MGAT5: variants seen among roughly 807,000 people sequenced by gnomAD.
MGAT5 encodes the protein alpha-1,6-mannosylglycoprotein 6-beta-N-acetylglucosaminyltransferase, also known as alpha-1,6-mannosylglycoprotein 6-beta-N-acetylglucosaminyltransferase A.
In MGAT5, 30 loss-of-function variants were observed where a neutral mutation model predicts 94.3. That is an observed-to-expected ratio of 0.32 (90% CI 0.24 to 0.43). The LOEUF (loss-of-function observed/expected upper bound fraction) is 0.43. Among genes scored for constraint, MGAT5 ranks in the 20% least tolerant of loss-of-function variants. The pLI is 1.00. For synonymous variants in MGAT5, 310 were observed against 322.9 expected, an observed-to-expected ratio of 0.96 and a Z score of 0.43; for missense variants, 691 against 905.5, an observed-to-expected ratio of 0.76 and a Z score of 3.04.
chr2:134,151,706 C>A (rs13026533), intron 1 of MGAT5, among the ~76,000 whole-genome samples: 2 of 87,004 alleles, frequency 2.3e-5, no homozygotes, highest in African/African-American at 9.7e-5. Context: ...CCTCACTCAC[C>A]CATGCCCTGT....
intron 4 of MGAT5, among the ~76,000 whole-genome samples, chr2:134,326,346 T>A (rs1293724311): frequency 3.9e-5 from 6 of 152,248 alleles, no homozygotes; most frequent in African/African-American, 1.4e-4. Flanking sequence ...TCTTACTGAT[T>A]GTCAAGTTGC....
In MGAT5 at chr2:134,341,704, C is replaced by T. The variant is rs1214203471; in HGVS notation, c.922C>T (p.Leu308=). Residue 308 remains leucine (L), a synonymous_variant, in exon 7 of 16, where the codon CTG becomes TTG. Transcript: ENST00000281923. ...LVQWSDLITS[L]YLLGHDIRIS... is the part of the protein sequence containing the mutation. Reference sequence around the variant, plus strand: ...TCAATGGAGTGATTTAATTACATCTCTGTACTTACTGGGCCATGACATTAG... The same window carrying T: ...TCAATGGAGTGATTTAATTACATCTTTGTACTTACTGGGCCATGACATTAG... 1.2e-6 allele frequency: 2 copies of T among 1,613,344 alleles called. No individual in the cohort carries two copies. Among genetic ancestry groups the T allele is most frequent in the African/African-American group, 1.3e-5 (1 of 74,880 alleles).
In MGAT5 at chr2:134,140,354, G is replaced by A. The variant is rs757834486; in HGVS notation, c.-143+20063G>A. On this transcript the variant is annotated intron_variant, in intron 1 of 16. Transcript: ENST00000409645. ...GTGGAGCAGCTGTGCTGCTGTGGGC[G>A]CCACAAGTCTGCTTAGAATGGGGGA... 3.9e-5 allele frequency among the ~76,000 whole-genome samples: 6 copies of A among 152,230 alleles called. No individual in the cohort carries two copies. The East Asian group carries it at 5.8e-4, about 15-fold the overall frequency.
At chr2:134,373,637 G>A (rs934429805) in intron 10 of MGAT5, among the ~76,000 whole-genome samples, 1 of 152,138 alleles carries the variant, frequency 6.6e-6, no homozygotes, top group African/African-American at 2.4e-5. Flanking sequence ...GACCTATACT[G>A]GTCCATCCCA....
chr2:134,368,882 C>T (rs1181808744), intron 10 of MGAT5, among the ~76,000 whole-genome samples: 1 of 152,202 alleles, frequency 6.6e-6, no homozygotes. Context: ...ATGGCTGCTG[C>T]CTGTCCTGCT....
At chr2:134,344,326 G>A (rs1448846522) in intron 7 of MGAT5, among the ~76,000 whole-genome samples, 1 of 152,074 alleles carries the variant, frequency 6.6e-6, no homozygotes, top group East Asian at 1.9e-4. Flanking sequence ...CAAGCGAGGA[G>A]GAAAAATTTG....
At chr2:134,290,143 T>C (rs1039574136) in intron 2 of MGAT5, among the ~76,000 whole-genome samples, 3 of 152,232 alleles carry the variant, frequency 2.0e-5, no homozygotes, top group Admixed American at 2.0e-4. Flanking sequence ...ATAGTCCTAC[T>C]CGTGTGTTCT....
At chr2:134,193,131 T>TA (rs201290194) in intron 1 of MGAT5, among the ~76,000 whole-genome samples, 9,909 of 150,566 alleles carry the variant, frequency 0.066, 619 homozygotes, top group East Asian at 0.25. Flanking sequence ...TTTTATTTTT[T>TA]TTTTTTTTTG....
intron 1 of MGAT5, among the ~76,000 whole-genome samples, chr2:134,169,747 G>C (rs1282126161): frequency 1.3e-5 from 2 of 152,050 alleles, no homozygotes; most frequent in Admixed American, 6.6e-5. Flanking sequence ...TGATATTTAA[G>C]ATTAGTTGAA....
At chr2:134,253,655 G>C (rs1316152556), upstream of MGAT5, among the ~76,000 whole-genome samples, 1 of 152,090 alleles carries the variant, frequency 6.6e-6, no homozygotes, top group Non-Finnish European at 1.5e-5. Context: ...TTGTACCTCT[G>C]GCATATCTTC....
At chr2:134,161,017 G>T (rs1307013105) in intron 1 of MGAT5, among the ~76,000 whole-genome samples, 1 of 152,238 alleles carries the variant, frequency 6.6e-6, no homozygotes, top group Non-Finnish European at 1.5e-5. Flanking sequence ...CCCGCGGCAG[G>T]CTCTGGCTTG....
At chr2:134,387,872 G>A (rs932405581) in intron 10 of MGAT5, among the ~76,000 whole-genome samples, 2 of 152,182 alleles carry the variant, frequency 1.3e-5, no homozygotes, top group African/African-American at 4.8e-5. Flanking sequence ...CCTCTCAACA[G>A]AAGACTAAGA....
At chr2:134,160,875 AGCATTGGGTAATG>A in intron 1 of MGAT5, among the ~76,000 whole-genome samples, 1 of 152,310 alleles carries the variant, frequency 6.6e-6, no homozygotes, top group East Asian at 1.9e-4. Flanking sequence ...CTGGCTAGTG[AGCATTGGGTAATG>A]GTCCAGCTGC....
chr2:134,129,981 GGCCA>G (rs1269770288), intron 1 of MGAT5, among the ~76,000 whole-genome samples: 1 of 152,200 alleles, frequency 6.6e-6, no homozygotes, highest in East Asian at 1.9e-4. Context: ...AGCACTCACA[GGCCA>G]GCGCAAGTTC....
intron 1 of MGAT5, among the ~76,000 whole-genome samples, chr2:134,133,407 G>C (rs1686266472): frequency 6.6e-6 from 1 of 152,200 alleles, no homozygotes; most frequent in Non-Finnish European, 1.5e-5. Context: ...AGCTGAGGCA[G>C]AAAAACTTCA....
At chr2:134,222,849 A>G (rs1361038945) in intron 1 of MGAT5, among the ~76,000 whole-genome samples, 1 of 119,186 alleles carries the variant, frequency 8.4e-6, no homozygotes, top group South Asian at 2.7e-4. Flanking sequence ...AAAACTGACA[A>G]TAAAACCAAA....
intron 10 of MGAT5, among the ~76,000 whole-genome samples, chr2:134,387,146 A>G (rs536145886): frequency 2.0e-5 from 3 of 151,490 alleles, no homozygotes; most frequent in African/African-American, 7.3e-5. Context: ...CTGTAATCCC[A>G]GCTACTCGGG....
At chr2:134,226,094 T>A (rs182686704) in intron 1 of MGAT5, among the ~76,000 whole-genome samples, 28 of 152,360 alleles carry the variant, frequency 1.8e-4, no homozygotes, top group African/African-American at 6.7e-4. Context: ...GCCCCTTGGC[T>A]AAGGATTCCT....
At chr2:134,241,946 C>T (rs1161321773) in intron 1 of MGAT5, among the ~76,000 whole-genome samples, 1 of 152,164 alleles carries the variant, frequency 6.6e-6, no homozygotes, top group African/African-American at 2.4e-5. Context: ...CTGAAGTACC[C>T]TGGAAAATAT....
Sources: allele counts gnomAD v4.1 joint callset (sites outside exome capture counted in the v4.1 genomes callset), GRCh38; gene constraint gnomAD v4.1.1; transcripts MANE v1.5; gene names NCBI Gene and HGNC (gene_info 2026-07-23, HGNC 2026-07-21).